The following OLFM2 variants were observed in gnomAD, a reference collection of about 807,000 sequenced individuals.
The protein encoded by OLFM2 is noelin-2.
A neutral mutation model predicts 43.9 loss-of-function variants in OLFM2; 20 were observed. That is an observed-to-expected ratio of 0.46 (90% CI 0.32 to 0.66). The LOEUF is 0.66. OLFM2 is among the 30% of genes least tolerant of loss of function. The probability of loss-of-function intolerance (pLI) is 0.04; values close to 1 mark genes in which losing one functional copy is unlikely to be tolerated. For missense variants in OLFM2, 416 were observed against 643.6 expected, an observed-to-expected ratio of 0.65 and a Z score of 3.83; for synonymous variants, 268 against 278.6, an observed-to-expected ratio of 0.96 and a Z score of 0.38.
intron 1 of OLFM2, among the ~76,000 whole-genome samples, chr19:9,919,327 C>T (rs748841449): frequency 1.6e-4 from 24 of 151,954 alleles, no homozygotes; most frequent in Non-Finnish European, 2.9e-4. Flanking sequence ...CCACCACGCC[C>T]GGAGAATTTT....
chr19:9,935,942 C>T (rs1179195992), intron 1 of OLFM2, among the ~76,000 whole-genome samples: 1 of 152,154 alleles, frequency 6.6e-6, no homozygotes, highest in East Asian at 1.9e-4. Flanking sequence ...ATCTCGGCCC[C>T]GAAGAGGAAG....
At chr19:9,894,496 A>G (rs4804472) in intron 1 of OLFM2, among the ~76,000 whole-genome samples, 78,404 of 150,694 alleles carry the variant, frequency 0.52, 20,964 homozygotes, top group Admixed American at 0.61. Flanking sequence ...GATCACCTGA[A>G]GTCAGGAGTT....
At chr19:9,867,069 G>A (rs1343261618) in intron 1 of OLFM2, among the ~76,000 whole-genome samples, 1 of 152,020 alleles carries the variant, frequency 6.6e-6, no homozygotes, top group African/African-American at 2.4e-5. Context: ...CTATATCTTG[G>A]TTCAAAAACA....
intron 1 of OLFM2, among the ~76,000 whole-genome samples, chr19:9,892,717 T>C (rs1336113808): frequency 6.6e-6 from 1 of 151,998 alleles, no homozygotes; most frequent in African/African-American, 2.4e-5. Context: ...AAAAATAAAA[T>C]TCTCATCCCC....
intron 1 of OLFM2, among the ~76,000 whole-genome samples, chr19:9,863,907 A>T (rs2046382085): frequency 6.6e-6 from 1 of 152,260 alleles, no homozygotes; most frequent in South Asian, 2.1e-4. Context: ...CACCCTTCCT[A>T]AATGGGGGGA....
intron 1 of OLFM2, among the ~76,000 whole-genome samples, chr19:9,918,428 G>A (rs2086399506): frequency 6.6e-6 from 1 of 152,066 alleles, no homozygotes; most frequent in Admixed American, 6.6e-5. Flanking sequence ...TTGGGCTCAG[G>A]CAATCCACCT....
chr19:9,900,452 T>C (rs1179847105), intron 1 of OLFM2, among the ~76,000 whole-genome samples: 1 of 152,032 alleles, frequency 6.6e-6, no homozygotes, highest in Non-Finnish European at 1.5e-5. Context: ...TGCACCACAC[T>C]GGTGGAGAAT....
intron 1 of OLFM2, among the ~76,000 whole-genome samples, chr19:9,915,762 C>T (rs2046871578): frequency 6.6e-6 from 1 of 152,270 alleles, no homozygotes; most frequent in African/African-American, 2.4e-5. Flanking sequence ...TCGTGATCTG[C>T]CCACCTCGGC....
chr19:9,893,460 C>T (rs932612357), intron 1 of OLFM2, among the ~76,000 whole-genome samples: 11 of 152,148 alleles, frequency 7.2e-5, no homozygotes, highest in Admixed American at 2.0e-4. Flanking sequence ...CCACCGCACC[C>T]GGCCAATCAT....
intron 1 of OLFM2, among the ~76,000 whole-genome samples, chr19:9,875,067 C>T (rs766727680): frequency 1.2e-4 from 19 of 152,154 alleles, no homozygotes; most frequent in African/African-American, 3.4e-4. Flanking sequence ...CTCCCTGTTC[C>T]GCAGGCATCC....
Position 9,860,680 on chromosome 19 carries a change from C to T in OLFM2, c.178G>A (p.Gly60Ser), listed in dbSNP as rs1416482130. 6.3e-7 allele frequency: 1 copy of T among 1,598,278 alleles called. No individual in the cohort carries two copies. The highest frequency in any genetic ancestry group is 8.5e-7 in the Non-Finnish European group (1 of 1,172,252). The change falls in exon 2 of 6, where the codon GGC becomes AGC. Residue 60 changes from glycine to serine, a missense_variant. Coordinates refer to ENST00000264833, the MANE Select transcript of OLFM2 (RefSeq NM_058164.4). Reference protein sequence around the residue: ...IPAQSTCSRDGRSRELRQLME... With the variant: ...IPAQSTCSRDSRSRELRQLME... ...AGTTGCCGCAGCTCCCGACTCCTGC[C>T]ATCTCGAGAGCAGGTACTCTGCGCT...
At chr19:9,866,873 T>G (rs948125816) in intron 1 of OLFM2, among the ~76,000 whole-genome samples, 1 of 152,198 alleles carries the variant, frequency 6.6e-6, no homozygotes, top group African/African-American at 2.4e-5. Context: ...GGAGTGAAGC[T>G]ATGCACTCAA....
intron 1 of OLFM2, among the ~76,000 whole-genome samples, chr19:9,901,579 G>A (rs755378243): frequency 6.6e-6 from 1 of 152,182 alleles, no homozygotes; most frequent in Non-Finnish European, 1.5e-5. Flanking sequence ...ACTTCCCTCT[G>A]TACTCCTTTG....
intron 1 of OLFM2, 62 bp downstream of exon 1, chr19:9,936,242 C>A: frequency 6.7e-7 from 1 of 1,501,432 alleles, no homozygotes; most frequent in African/African-American, 1.4e-5. Context: ...CTCCGGGAAC[C>A]CTCCGCGCCC....
At chr19:9,936,084 C>G (rs1193783562) in intron 1 of OLFM2, among the ~76,000 whole-genome samples, 1 of 151,766 alleles carries the variant, frequency 6.6e-6, no homozygotes, top group Non-Finnish European at 1.5e-5. Context: ...CGCCACCCCC[C>G]AAACCAGCCC....
chr19:9,905,050 A>G (rs749573333), intron 1 of OLFM2, among the ~76,000 whole-genome samples: 1 of 151,828 alleles, frequency 6.6e-6, no homozygotes, highest in African/African-American at 2.4e-5. Flanking sequence ...GGCCAGGCAC[A>G]GTAGCTCATG....
In OLFM2 at chr19:9,856,982, A is replaced by T; in HGVS notation, c.581-69T>A. 7.9e-7 allele frequency: 1 copy of T among 1,273,286 alleles called. No homozygotes were observed. Among genetic ancestry groups the T allele is most frequent in the Non-Finnish European group, 1.1e-6 (1 of 893,258 alleles). 78.9% of individuals were successfully genotyped at this position (1,273,286 alleles called of 1,614,324 possible). A position where few individuals can be genotyped will look rare whatever the true frequency, so the allele number is the denominator to read the frequency against. On this transcript the variant is annotated intron_variant, in intron 4 of 5. Transcript: ENST00000264833. The surrounding 1 kb of genome is among the most constrained non-coding windows in gnomAD (Gnocchi z 4.0). ...GCCCAAGAGAGGCCAGGCAAAGATG[A>T]AGTGCTGTGATCAAGTTGGGAAAGC...
At chr19:9,920,838 C>T (rs2086414851) in intron 1 of OLFM2, among the ~76,000 whole-genome samples, 1 of 150,602 alleles carries the variant, frequency 6.6e-6, no homozygotes, top group South Asian at 2.1e-4. Context: ...ACCTGGGAGG[C>T]AGAGGTTGCT....
chr19:9,879,690 G>A (rs992533397), intron 1 of OLFM2, among the ~76,000 whole-genome samples: 1 of 152,046 alleles, frequency 6.6e-6, no homozygotes, highest in Non-Finnish European at 1.5e-5. Flanking sequence ...CCAGGTGTGC[G>A]CCACCACGCC....
Sources: allele counts gnomAD v4.1 joint callset (sites outside exome capture counted in the v4.1 genomes callset), GRCh38; gene constraint gnomAD v4.1.1; non-coding constraint Gnocchi (gnomAD v3.1); transcripts MANE v1.5; gene names NCBI Gene and HGNC (gene_info 2026-07-23, HGNC 2026-07-21).